Variants in CACNG3 observed in about 807,000 individuals in gnomAD.
The protein encoded by CACNG3 is voltage-dependent calcium channel gamma-3 subunit.
CACNG3 carries 3 observed loss-of-function variants against 28.5 expected under a neutral mutation model. The observed-to-expected ratio is 0.11, with a 90% confidence interval of 0.05 to 0.27. CACNG3 has a LOEUF of 0.27. CACNG3 is among the 10% of genes least tolerant of loss of function. The pLI, the probability that CACNG3 is intolerant of heterozygous loss-of-function variation, is 1.00. For synonymous variants in CACNG3, 174 were observed against 162.2 expected (o/e 1.07, Z -0.55); for missense variants, 236 against 414.4 (o/e 0.57, Z 3.74).
intron 1 of CACNG3, among the ~76,000 whole-genome samples, chr16:24,307,577 T>A (rs1257159689): frequency 6.6e-6 from 1 of 152,066 alleles, no homozygotes; most frequent in Non-Finnish European, 1.5e-5. Context: ...CCAAAAAACC[T>A]CTGGTATGCA....
chr16:24,290,261 G>T (rs374903928), intron 1 of CACNG3, among the ~76,000 whole-genome samples: 43 of 152,250 alleles, frequency 2.8e-4, no homozygotes, highest in African/African-American at 9.1e-4. Flanking sequence ...GACAAAATAG[G>T]ATAATTTCTA....
intron 1 of CACNG3, among the ~76,000 whole-genome samples, chr16:24,321,797 G>A (rs1174017550): frequency 6.6e-6 from 1 of 152,200 alleles, no homozygotes; most frequent in Non-Finnish European, 1.5e-5. Context: ...TGGCCACAGT[G>A]AGTGATAACT....
rs551121213 is a variant in CACNG3, at chr16:24,315,339, C to T, written c.212-31395C>T. On this transcript the variant is annotated intron_variant, in intron 1 of 3. Transcript: ENST00000005284. ...GGGATGTTTGGACTCCTGGGGTTTACTTCCCAAGCTGCCAGAACACACCTA... is the reference window on the plus strand; with the variant it reads ...GGGATGTTTGGACTCCTGGGGTTTATTTCCCAAGCTGCCAGAACACACCTA... Among the ~76,000 whole-genome samples the T allele has an allele frequency of 9.2e-5, 14 of 152,130 alleles. 1 individual carries two copies. In the South Asian group the frequency reaches 2.9e-3, roughly 32 times the overall value.
intron 1 of CACNG3, among the ~76,000 whole-genome samples, chr16:24,317,618 GA>G (rs1555460555): frequency 4.5e-5 from 3 of 67,016 alleles, no homozygotes; most frequent in South Asian, 5.1e-4. Flanking sequence ...AAGAAAGAAA[GA>G]AAGAAAGACA....
chr16:24,312,709 T>C (rs1256406345), intron 1 of CACNG3, among the ~76,000 whole-genome samples: 2 of 151,740 alleles, frequency 1.3e-5, no homozygotes, highest in African/African-American at 4.8e-5. Flanking sequence ...TCCCAGCTAC[T>C]TGGGAGACTG....
chr16:24,356,530 C>T (rs1900035622), intron 3 of CACNG3, among the ~76,000 whole-genome samples: 2 of 152,030 alleles, frequency 1.3e-5, no homozygotes, highest in African/African-American at 2.4e-5. Flanking sequence ...TTGCAAGACC[C>T]GATCTGCACA....
At chr16:24,296,830 T>C (rs1899037276) in intron 1 of CACNG3, among the ~76,000 whole-genome samples, 1 of 152,160 alleles carries the variant, frequency 6.6e-6, no homozygotes, top group Non-Finnish European at 1.5e-5. Flanking sequence ...ATTATCTATT[T>C]TGAGCCTGCC....
chr16:24,320,065 A>G (rs891580498), intron 1 of CACNG3, among the ~76,000 whole-genome samples: 5 of 152,126 alleles, frequency 3.3e-5, no homozygotes, highest in Non-Finnish European at 4.4e-5. Context: ...AACACAAGTG[A>G]CTCCATTTTT....
chr16:24,332,833 C>T (rs895370368), intron 1 of CACNG3, among the ~76,000 whole-genome samples: 3 of 152,132 alleles, frequency 2.0e-5, no homozygotes, highest in African/African-American at 7.2e-5. Context: ...CTCTGCAATT[C>T]GCGGTTTTTG....
chr16:24,271,157 C>G (rs528595533), intron 1 of CACNG3, among the ~76,000 whole-genome samples: 15 of 152,338 alleles, frequency 9.8e-5, no homozygotes, highest in African/African-American at 3.1e-4. Flanking sequence ...GTCTTCTTCT[C>G]AACTGCACTA....
chr16:24,309,731 G>T (rs142753303), intron 1 of CACNG3, among the ~76,000 whole-genome samples: 1 of 152,146 alleles, frequency 6.6e-6, no homozygotes, highest in Admixed American at 6.5e-5. Flanking sequence ...GGCAGAGAGG[G>T]CCTCTCTGAA....
intron 1 of CACNG3, among the ~76,000 whole-genome samples, chr16:24,306,344 A>T (rs1433509060): frequency 6.6e-6 from 1 of 152,182 alleles, no homozygotes; most frequent in Non-Finnish European, 1.5e-5. Context: ...CAAGGTGAAA[A>T]GGCTGAACGG....
chr16:24,297,701 T>A (rs1427295184), intron 1 of CACNG3, among the ~76,000 whole-genome samples: 1 of 152,166 alleles, frequency 6.6e-6, no homozygotes, highest in Non-Finnish European at 1.5e-5. Context: ...CTGAGAGTCA[T>A]CTAAGAACAG....
chr16:24,361,627 C>T lies in CACNG3; in HGVS notation c.712C>T (p.Arg238Cys). 1.9e-6 allele frequency: 3 copies of T among 1,613,680 alleles called. No homozygotes were observed. Among genetic ancestry groups the T allele is most frequent in the Non-Finnish European group, 2.5e-6 (3 of 1,179,810 alleles). ...RYRFRRRSSSRSTEPRSRDLS... is the reference protein window; with the variant it reads ...RYRFRRRSSSCSTEPRSRDLS... ...TCGATTCCGGAGGCGGTCAAGTTCT[C>T]GCTCCACCGAGCCCAGATCCCGAGA... Residue 238 changes from arginine (R) to cysteine (C), a missense_variant, in exon 4 of 4, where the codon CGC becomes TGC. By Grantham distance (180) the Arg-to-Cys change is radical. Transcript: ENST00000005284. The surrounding 1 kb of genome is among the most constrained non-coding windows in gnomAD (Gnocchi z 6.8).
At position 24,291,965 on chromosome 16, in the gene CACNG3, A is replaced by C. The variant is rs78906803; in HGVS notation, c.211+35000A>C. On this transcript the variant is annotated intron_variant, in intron 1 of 3. Coordinates refer to ENST00000005284, the MANE Select transcript of CACNG3 (RefSeq NM_006539.4). ...AGGATGGAAGTTTGAAGGGAGGCAG[A>C]ACGGAGCAACTTTGTTTTAGGATGA... 3.9e-5 allele frequency among the ~76,000 whole-genome samples: 6 copies of C among 152,194 alleles called. No individual in the cohort carries two copies. The East Asian group carries it at 1.2e-3, about 29-fold the overall frequency.
intron 1 of CACNG3, among the ~76,000 whole-genome samples, chr16:24,303,576 T>G (rs1056765707): frequency 9.2e-5 from 14 of 152,042 alleles, no homozygotes; most frequent in Admixed American, 2.0e-4. Flanking sequence ...TTGCCTTGTT[T>G]TATTCCCTTC....
intron 1 of CACNG3, among the ~76,000 whole-genome samples, chr16:24,300,879 T>C (rs1253188550): frequency 1.3e-5 from 2 of 151,900 alleles, no homozygotes; most frequent in East Asian, 3.9e-4. Flanking sequence ...TGAAACCCCA[T>C]CTCTATGAAA....
chr16:24,271,855 G>A (rs747974567), intron 1 of CACNG3, among the ~76,000 whole-genome samples: 43 of 81,208 alleles, frequency 5.3e-4, no homozygotes, highest in Non-Finnish European at 7.6e-4. Flanking sequence ...CTTAGGGTTT[G>A]TGAGTCCCCC....
intron 1 of CACNG3, 102 bp downstream of exon 1, chr16:24,257,067 C>A (rs1301766627): frequency 2.7e-6 from 2 of 750,950 alleles, no homozygotes; most frequent in East Asian, 2.7e-5. Context: ...AAGAGAAGTT[C>A]AAATTATTGC....
Sources: gnomAD v4.1 joint callset for allele counts (sites outside exome capture counted in the v4.1 genomes callset) on GRCh38, gnomAD v4.1.1 for gene constraint, Gnocchi (gnomAD v3.1) non-coding constraint, MANE v1.5 for transcripts, NCBI Gene and HGNC (gene_info 2026-07-23, HGNC 2026-07-21) for gene names.